The following RP1L1 variants were observed in gnomAD, a reference collection of about 807,000 sequenced individuals.
RP1L1 encodes the protein retinitis pigmentosa 1-like 1 protein.
In RP1L1, 27 loss-of-function variants were observed where a neutral mutation model predicts 15.7. The observed-to-expected ratio is 1.72, with a 90% CI of 1.27 to 2.38. The LOEUF is 2.38. Ranked by LOEUF, RP1L1 falls within the 30% of genes most tolerant of loss-of-function variation. The pLI is 0.00. For synonymous variants in RP1L1, 1,813 were observed against 1,276.7 expected, an observed-to-expected ratio of 1.42 and a Z score of -8.96; for missense variants, 4,798 against 3,075.9, an observed-to-expected ratio of 1.56 and a Z score of -13.24.
chr8:10,632,534 T>C (rs59081051), intron 1 of RP1L1, among the ~76,000 whole-genome samples: 1 of 152,198 alleles, frequency 6.6e-6, no homozygotes, highest in African/African-American at 2.4e-5. Flanking sequence ...TGCCTGCAGC[T>C]CCTTGTCTCC....
intron 1 of RP1L1, among the ~76,000 whole-genome samples, chr8:10,648,222 G>T (rs975755754): frequency 1.3e-5 from 2 of 151,970 alleles, no homozygotes; most frequent in African/African-American, 4.8e-5. Context: ...AGTAAAGATG[G>T]GATTTCACTA....
In RP1L1 at chr8:10,606,761, C is replaced by T; in HGVS notation, c.*134G>A. The T allele has an allele frequency of 1.4e-6, 2 of 1,467,066 alleles. No homozygotes were observed. The highest frequency in any genetic ancestry group is 9.2e-7 in the Non-Finnish European group (1 of 1,092,260). The allele number at this position is 1,467,066 out of a possible 1,614,324, so 90.9% of individuals were successfully genotyped here. A position where few individuals can be genotyped will look rare whatever the true frequency, so the allele number is the denominator to read the frequency against. On this transcript the variant is annotated 3_prime_UTR_variant, in exon 4 of 4. Transcript: ENST00000382483. ...CAGGACAGCATGGCATGGGCTGTGT[C>T]CTTGGCAAGTCCTTGGTCTTTGTCC...
intron 3 of RP1L1, among the ~76,000 whole-genome samples, chr8:10,614,857 T>C (rs1484369100): frequency 6.6e-6 from 1 of 152,108 alleles, no homozygotes; most frequent in African/African-American, 2.4e-5. Context: ...CACACCAACA[T>C]GGCACATGTA....
At position 10,622,988 on chromosome 8, in the gene RP1L1, C is replaced by A; in HGVS notation, c.214G>T (p.Val72Leu). The A allele has an allele frequency of 6.2e-7, 1 of 1,614,136 alleles. No individual in the cohort carries two copies. The highest frequency in any genetic ancestry group is 8.5e-7 in the Non-Finnish European group (1 of 1,180,026). The stretch of plus-strand genomic sequence containing the variant: ...GAGCGCACCCCAAAGGAGAGAGGCA[C>A]GCGCTGGGAGAGCTCGTCCATGAGG... ...SALMDELSQR[V>L]PLSFGVRSVT... The change falls in exon 2 of 4, where the codon GTG becomes TTG. Residue 72 changes from valine to leucine, a missense_variant. Transcript: ENST00000382483.
rs182509141 is a variant in RP1L1, at chr8:10,638,202, T to A, written c.-19-14982A>T. ...ACACGTGAACCCAAAAATACCGATATGCTTGCCCATGCAAATGAAACATAC... is the reference window on the plus strand; with the variant it reads ...ACACGTGAACCCAAAAATACCGATAAGCTTGCCCATGCAAATGAAACATAC... On this transcript the variant is annotated intron_variant, in intron 1 of 3. Coordinates refer to ENST00000382483, the MANE Select transcript of RP1L1 (RefSeq NM_178857.6). Among the ~76,000 whole-genome samples the A allele has an allele frequency of 2.4e-4, 36 of 152,368 alleles. 1 individual carries two copies. The highest frequency in any genetic ancestry group is 7.9e-4 in the African/African-American group (33 of 41,592).
intron 1 of RP1L1, among the ~76,000 whole-genome samples, chr8:10,626,933 G>C (rs566663621): frequency 7.2e-5 from 11 of 152,248 alleles, no homozygotes; most frequent in South Asian, 2.1e-4. Flanking sequence ...AAAAAAAGGA[G>C]AGACCACAGT....
At position 10,622,748 on chromosome 8, in the gene RP1L1, G is replaced by C. The variant is rs749896033; in HGVS notation, c.454C>G (p.Arg152Gly). Residue 152 changes from arginine (R) to glycine (G), a missense_variant, in exon 2 of 4, where the codon CGG (arginine) becomes GGG (glycine). Coordinates refer to ENST00000382483, the MANE Select transcript of RP1L1 (RefSeq NM_178857.6). ...ATGTTCTTAATCAGCAGTATCCTCC[G>C]GGGGGTTTTAAGACTCTTCCGGGAG... ...SSSRKSLKTP[R>G]RILLIKNMDP... 12 of 1,613,908 alleles carry C rather than the reference G, an allele frequency of 7.4e-6. No individual in the cohort carries two copies. In the African/African-American group the frequency reaches 1.6e-4, roughly 22 times the overall value.
intron 1 of RP1L1, among the ~76,000 whole-genome samples, chr8:10,626,707 T>TGG (rs1798164372): frequency 6.6e-6 from 1 of 152,256 alleles, no homozygotes; most frequent in Non-Finnish European, 1.5e-5. Flanking sequence ...ATTTCAGGTA[T>TGG]ATTAACACAT....
Position 10,607,080 on chromosome 8 carries a change from C to T in RP1L1, c.7018G>A (p.Ala2340Thr), listed in dbSNP as rs1317176517. The change falls in exon 4 of 4, where the codon GCC becomes ACC. Residue 2340 changes from alanine to threonine, a missense_variant. Coordinates refer to ENST00000382483, the MANE Select transcript of RP1L1 (RefSeq NM_178857.6). ...GAACTTTCTGGGTACATCCTGGTGG[C>T]CTTCCTCTCTGCATGAGGGGTCCCC... ...STGTPHAERK[A>T]TRMYPESSTS... 3 of 1,614,066 alleles carry T rather than the reference C, an allele frequency of 1.9e-6. No individual in the cohort carries two copies. The highest frequency in any genetic ancestry group is 1.7e-5 in the Admixed American group (1 of 60,010).
intron 1 of RP1L1, among the ~76,000 whole-genome samples, chr8:10,648,928 C>T (rs1798519340): frequency 6.6e-6 from 1 of 152,228 alleles, no homozygotes; most frequent in African/African-American, 2.4e-5. Flanking sequence ...TTCACAGGAG[C>T]TGCGAGGACG....
rs201505409 is a variant in RP1L1, at chr8:10,608,425, C to G, written c.5673G>C (p.Glu1891Asp). The G allele has an allele frequency of 4.0e-5, 65 of 1,605,714 alleles. 1 individual carries two copies. The African/African-American group carries it at 4.7e-4, about 12-fold the overall frequency. ...GEAQPESEDV[E>D]TPEAEWEVQP... ...GGACCTCCCATTCTGCCTCTGGGGT[C>G]TCTACATCTTCTGACTCTGGCTGGG... Residue 1891 changes from glutamate to aspartate, a missense_variant, in exon 4 of 4, where the codon GAG becomes GAC. By Grantham distance (45) the Glu-to-Asp change is conservative (BLOSUM62 2). Transcript: ENST00000382483.
chr8:10,607,717 T>A lies in RP1L1; in HGVS notation c.6381A>T (p.Pro2127=), dbSNP rs758844923. 1 of 1,607,208 alleles carries A rather than the reference T, an allele frequency of 6.2e-7. No individual in the cohort carries two copies. The highest frequency in any genetic ancestry group is 8.5e-7 in the Non-Finnish European group (1 of 1,177,498). The change falls in exon 4 of 4, where the codon CCA becomes CCT. Residue 2127 remains proline, a synonymous_variant. Transcript: ENST00000382483. ...EAPETEGEAQ[P]ESEGIEAPEA... is the part of the protein sequence containing the mutation. ...CTGGGGCCTCTATACCTTCTGACTC[T>A]GGCTGGGCCTCCCCTTCAGTCTCTG...
chr8:10,617,768 G>A (rs1177168958), intron 2 of RP1L1, among the ~76,000 whole-genome samples: 3 of 152,184 alleles, frequency 2.0e-5, no homozygotes, highest in East Asian at 1.9e-4. Flanking sequence ...GTGTTAGCCA[G>A]GATGGTCTCG....
chr8:10,650,553 C>CT (rs1187467021), intron 1 of RP1L1, among the ~76,000 whole-genome samples: 17,209 of 138,828 alleles, frequency 0.12, 1,125 homozygotes, highest in African/African-American at 0.15. Context: ...CTCCGTAGTT[C>CT]TTTTTTTTTT....
Position 10,612,230 on chromosome 8 carries a change from C to T in RP1L1, c.1868G>A (p.Gly623Glu). ...GCAGGTGGAAGGGGTGGAAGAGGCTCCTTCCGAGTCCCAGGAGCAGGAAAG... is the reference window on the plus strand; with the variant it reads ...GCAGGTGGAAGGGGTGGAAGAGGCTTCTTCCGAGTCCCAGGAGCAGGAAAG... ...LGLSCSWDSE[G>E]ASSTPSTCTS... Residue 623 changes from glycine (G) to glutamate (E), a missense_variant, in exon 4 of 4, where the codon GGA becomes GAA. Gly to Glu is a moderately conservative substitution (Grantham distance 98). Coordinates refer to ENST00000382483, the MANE Select transcript of RP1L1 (RefSeq NM_178857.6). 6.2e-7 allele frequency: 1 copy of T among 1,613,208 alleles called. No homozygotes were observed. The highest frequency in any genetic ancestry group is 8.5e-7 in the Non-Finnish European group (1 of 1,179,984).
Position 10,613,017 on chromosome 8 carries a change from C to T in RP1L1, c.1081G>A (p.Glu361Lys), listed in dbSNP as rs202074432. The T allele has an allele frequency of 5.4e-4, 879 of 1,613,484 alleles. 5 individuals are homozygous for T. In the African/African-American group the frequency reaches 0.01, roughly 19 times the overall value. ...CACACACAGCAGAGGGGGTCTACCTCCCCCAGAACGGGGTCTTCCCCACTG... is the reference window on the plus strand; with the variant it reads ...CACACACAGCAGAGGGGGTCTACCTTCCCCAGAACGGGGTCTTCCCCACTG... ...AASGEDPVLG[E>K]VDPLCCVWEG... The change falls in exon 4 of 4, where the codon GAG becomes AAG. Residue 361 changes from glutamate to lysine, a missense_variant. Coordinates refer to ENST00000382483, the MANE Select transcript of RP1L1 (RefSeq NM_178857.6).
At position 10,611,453 on chromosome 8, in the gene RP1L1, C is replaced by T. The variant is rs561163301; in HGVS notation, c.2645G>A (p.Arg882Gln). The T allele has an allele frequency of 8.9e-5, 140 of 1,570,528 alleles. No homozygotes were observed. The highest frequency in any genetic ancestry group is 3.4e-4 in the African/African-American group (25 of 74,290). ...STGSSHQSTA[R>Q]GPGGSPQEGT... ...CTCCTGCGGGCTCCCACCTGGCCCC[C>T]GGGCAGTGCTTTGGTGGCTGCTGCC... Residue 882 changes from arginine (R) to glutamine (Q), a missense_variant, in exon 4 of 4, where the codon CGG becomes CAG. Transcript: ENST00000382483.
In RP1L1 at chr8:10,610,066, T is replaced by C. The variant is rs4840499; in HGVS notation, c.4032A>G (p.Thr1344=). 0.27 allele frequency: 293,137 copies of C among 1,084,540 alleles called. 53,521 individuals carry two copies. Among genetic ancestry groups the C allele is most frequent in the East Asian group, 0.65 (20,840 of 32,160 alleles). The allele number at this position is 1,084,540 out of a possible 1,614,324, so 67.2% of individuals were successfully genotyped here. A position where few individuals can be genotyped will look rare whatever the true frequency, so the allele number is the denominator to read the frequency against. ...CTTCTTCTTGCTGTCCTTCTCCTTC[T>C]GTTTCTTTAGTTTCCTCTAACTGCA... ...EGVQLEETKE[T]EGEGQQEEEA... Residue 1344 remains threonine (T), a synonymous_variant, in exon 4 of 4, where the codon ACA becomes ACG. Transcript: ENST00000382483.
chr8:10,644,117 C>T (rs930362291), intron 1 of RP1L1, among the ~76,000 whole-genome samples: 6 of 152,036 alleles, frequency 3.9e-5, no homozygotes, highest in African/African-American at 7.2e-5. Context: ...AAAGCTTGAG[C>T]TCTGCCCCCT....
Sources: allele counts gnomAD v4.1 joint callset (sites outside exome capture counted in the v4.1 genomes callset), GRCh38; gene constraint gnomAD v4.1.1; transcripts MANE v1.5; gene names NCBI Gene and HGNC (gene_info 2026-07-23, HGNC 2026-07-21).